The following TAFA2 variants were observed in gnomAD, a reference collection of about 807,000 sequenced individuals.
The protein encoded by TAFA2 is chemokine-like protein TAFA-2.
In TAFA2, 7 loss-of-function variants were observed where a neutral mutation model predicts 18.8. That is an observed-to-expected ratio of 0.37 (90% confidence interval 0.21 to 0.70). The LOEUF (loss-of-function observed/expected upper bound fraction) is 0.70, where lower values mean the gene tolerates loss of function less well. Ranked by LOEUF, TAFA2 falls within the 30% of genes least tolerant of loss-of-function variation. The pLI is 0.53. For synonymous variants in TAFA2, 60 were observed against 54.2 expected, an observed-to-expected ratio of 1.11 and a Z score of -0.47; for missense variants, 122 against 158.1, an observed-to-expected ratio of 0.77 and a Z score of 1.23.
At chr12:62,134,522 G>A (rs1870818830) in intron 1 of TAFA2, among the ~76,000 whole-genome samples, 1 of 151,966 alleles carries the variant, frequency 6.6e-6, no homozygotes, top group African/African-American at 2.4e-5. Flanking sequence ...CTCCAGAGCT[G>A]CAAGAAAAAA....
At position 62,146,296 on chromosome 12, in the gene TAFA2, T is replaced by TG. The variant is rs1036477250; in HGVS notation, c.-2+44962_-2+44963insC. On this transcript the variant is annotated intron_variant, in intron 1 of 4. Coordinates refer to ENST00000416284, the MANE Select transcript of TAFA2 (RefSeq NM_178539.5). ...CTCCCCTTTGCTGCTTTTTTTTTTT[T>TG]TTTTTTTGACAGGATCTGGCTCTGT... Among the ~76,000 whole-genome samples, 4 of 149,718 alleles carry TG rather than the reference T, an allele frequency of 2.7e-5. No individual in the cohort carries two copies. In the East Asian group the frequency reaches 7.9e-4, roughly 29 times the overall value.
intron 1 of TAFA2, among the ~76,000 whole-genome samples, chr12:61,901,989 G>C (rs1427054386): frequency 3.3e-5 from 5 of 150,754 alleles, no homozygotes; most frequent in African/African-American, 9.8e-5. Context: ...GACTTTATAG[G>C]ACTTAGCTAG....
At chr12:61,850,799 G>GAAAATCTAAACCTTTAAATGAAA (rs1873611143) in intron 2 of TAFA2, among the ~76,000 whole-genome samples, 1 of 151,932 alleles carries the variant, frequency 6.6e-6, no homozygotes, top group Non-Finnish European at 1.5e-5. Flanking sequence ...AAACTAGAAA[G>GAAAATCTAAACCTTTAAATGAAA]AAAATCTAAA....
chr12:61,796,330 A>G (rs1398336330), intron 2 of TAFA2, among the ~76,000 whole-genome samples: 1 of 152,168 alleles, frequency 6.6e-6, no homozygotes, highest in Non-Finnish European at 1.5e-5. Flanking sequence ...TATACAATAT[A>G]ATACCACTGA....
intron 2 of TAFA2, among the ~76,000 whole-genome samples, chr12:61,852,077 A>C (rs1234858716): frequency 6.6e-6 from 1 of 151,206 alleles, no homozygotes; most frequent in Non-Finnish European, 1.5e-5. Context: ...CGTTGTGGCA[A>C]GTGTCTGTAA....
At chr12:61,958,293 G>A (rs1247732062) in intron 1 of TAFA2, among the ~76,000 whole-genome samples, 1 of 152,008 alleles carries the variant, frequency 6.6e-6, no homozygotes, top group Middle Eastern at 3.4e-3. Context: ...ATACCCTAGT[G>A]CCTTCTTTTC....
chr12:61,899,474 A>G (rs1319012125), intron 1 of TAFA2, among the ~76,000 whole-genome samples: 2 of 152,228 alleles, frequency 1.3e-5, no homozygotes, highest in East Asian at 3.8e-4. Flanking sequence ...GGAAGCAGGC[A>G]CATCTTACAT....
At chr12:61,960,573 G>A (rs1220480167) in intron 1 of TAFA2, among the ~76,000 whole-genome samples, 4 of 151,962 alleles carry the variant, frequency 2.6e-5, no homozygotes, top group African/African-American at 9.7e-5. Flanking sequence ...AACTCAGAGA[G>A]TGATTATTCA....
intron 1 of TAFA2, among the ~76,000 whole-genome samples, chr12:61,875,168 G>A (rs1291547934): frequency 1.3e-5 from 2 of 151,982 alleles, no homozygotes; most frequent in Non-Finnish European, 2.9e-5. Flanking sequence ...TGTATGTAAC[G>A]AAAGCTAAAG....
chr12:61,894,073 C>T (rs905089745), intron 1 of TAFA2, among the ~76,000 whole-genome samples: 1 of 151,534 alleles, frequency 6.6e-6, no homozygotes, highest in Non-Finnish European at 1.5e-5. Context: ...GCTAAACAGG[C>T]CTCTTTCTCA....
intron 2 of TAFA2, among the ~76,000 whole-genome samples, chr12:61,834,841 G>A (rs894779854): frequency 2.0e-5 from 3 of 151,912 alleles, no homozygotes; most frequent in African/African-American, 7.3e-5. Flanking sequence ...TGATAAAATT[G>A]ATAATATTGC....
chr12:62,194,696 A>G (rs553560507), upstream of TAFA2, among the ~76,000 whole-genome samples: 1 of 152,212 alleles, frequency 6.6e-6, no homozygotes, highest in African/African-American at 2.4e-5. Flanking sequence ...TCTTCAAAGG[A>G]AACAAAGTAG....
intron 2 of TAFA2, among the ~76,000 whole-genome samples, chr12:61,810,336 G>T (rs1343969153): frequency 4.0e-5 from 6 of 149,706 alleles, no homozygotes; most frequent in Non-Finnish European, 8.9e-5. Flanking sequence ...TTTTTTTAAG[G>T]AATATCTGTA....
Position 62,132,416 on chromosome 12 carries a change from C to G in TAFA2, c.-2+58843G>C, listed in dbSNP as rs183200189. Among the ~76,000 whole-genome samples, 595 of 151,930 alleles carry G rather than the reference C, an allele frequency of 3.9e-3. 2 individuals carry two copies. Among genetic ancestry groups the G allele is most frequent in the Middle Eastern group, 6.8e-3 (2 of 294 alleles). On this transcript the variant is annotated intron_variant, in intron 1 of 4. Coordinates refer to ENST00000416284, the MANE Select transcript of TAFA2 (RefSeq NM_178539.5). ...CAGGTATTGACCCTATCCCCAGCTC[C>G]AAGAGTGGTCTCTGATGTGTCTAAA...
At chr12:62,067,441 G>A (rs114154068) in intron 1 of TAFA2, among the ~76,000 whole-genome samples, 2,608 of 152,128 alleles carry the variant, frequency 0.017, 69 homozygotes, top group African/African-American at 0.058. Context: ...TAGTTTCAAT[G>A]TTTGAGGTCT....
At chr12:62,185,945 T>C (rs2062582996) in intron 1 of TAFA2, among the ~76,000 whole-genome samples, 1 of 152,164 alleles carries the variant, frequency 6.6e-6, no homozygotes, top group African/African-American at 2.4e-5. Context: ...TTTTCAGATA[T>C]AGACAATAAT....
At chr12:61,766,354 CA>C (rs1869789516) in intron 2 of TAFA2, among the ~76,000 whole-genome samples, 1 of 152,100 alleles carries the variant, frequency 6.6e-6, no homozygotes, top group African/African-American at 2.4e-5. Context: ...ACTGAAGGCA[CA>C]TAAACTATTA....
At chr12:62,182,618 G>C (rs893526372) in intron 1 of TAFA2, among the ~76,000 whole-genome samples, 39 of 152,206 alleles carry the variant, frequency 2.6e-4, no homozygotes, top group African/African-American at 9.4e-4. Flanking sequence ...AGTTTAAAAG[G>C]CACTGTTATG....
chr12:61,849,136 G>A (rs953835885), intron 2 of TAFA2, among the ~76,000 whole-genome samples: 5 of 152,030 alleles, frequency 3.3e-5, no homozygotes, highest in African/African-American at 2.4e-5. Flanking sequence ...GAGTCACTGC[G>A]CCCGGCCATG....
Sources: gnomAD v4.1 joint callset for allele counts (sites outside exome capture counted in the v4.1 genomes callset) on GRCh38, gnomAD v4.1.1 for gene constraint, MANE v1.5 for transcripts, NCBI Gene and HGNC (gene_info 2026-07-23, HGNC 2026-07-21) for gene names.